The following CFLAR variants were observed in gnomAD, a reference collection of about 807,000 sequenced individuals.
CFLAR encodes the protein CASP8 and FADD-like apoptosis regulator.
A neutral mutation model predicts 51.1 loss-of-function variants in CFLAR; 14 were observed. That is an observed-to-expected ratio of 0.27 (90% CI 0.18 to 0.43). The LOEUF (loss-of-function observed/expected upper bound fraction) is 0.43, where lower values mean the gene tolerates loss of function less well. CFLAR is among the 20% of genes least tolerant of loss of function. The probability of loss-of-function intolerance (pLI) is 1.00; values close to 1 mark genes in which losing one functional copy is unlikely to be tolerated. For synonymous variants in CFLAR, 210 were observed against 211.6 expected (o/e 0.99, Z 0.06); for missense variants, 390 against 566.5 (o/e 0.69, Z 3.16).
rs1937635749 is a variant in CFLAR at position 201,138,998 on chromosome 2, A to G, written c.524-1359A>G. 3.8e-6 allele frequency: 2 copies of G among 522,292 alleles called. No homozygotes were observed. The highest frequency in any genetic ancestry group is 3.7e-6 in the Non-Finnish European group (1 of 267,938). The allele number at this position is 522,292 out of a possible 1,614,324, so 32.4% of individuals were successfully genotyped here. Reference sequence around the variant, plus strand: ...CTGGTCACTGGCGAAGAGCTGCTGCACGGTGTGGGGAAAAGAAAGAGAGAT... The same window carrying G: ...CTGGTCACTGGCGAAGAGCTGCTGCGCGGTGTGGGGAAAAGAAAGAGAGAT... On this transcript the variant is annotated intron_variant, in intron 4 of 9. Transcript: ENST00000309955. This position sits in a 1 kb window ranked among gnomAD's most constrained non-coding sequence, Gnocchi z 4.0.
Position 201,133,111 on chromosome 2 carries a change from C to T in CFLAR, c.364C>T (p.Arg122Ter), listed in dbSNP as rs150296080. The change falls in exon 3 of 10, where the codon CGA becomes TGA. Residue 122 changes from arginine to a stop codon, truncating the protein, a stop_gained. Coordinates refer to ENST00000309955, the MANE Select transcript of CFLAR (RefSeq NM_003879.7). LOFTEE classifies it high-confidence loss of function. ...LIFLMKDYMGRGKISKEKSFL... is the reference protein window; with the variant it reads ...LIFLMKDYMG ...TTTCCTCATGAAGGATTACATGGGCCGAGGCAAGATAAGCAAGGAGAAGGT... is the reference window on the plus strand; with the variant it reads ...TTTCCTCATGAAGGATTACATGGGCTGAGGCAAGATAAGCAAGGAGAAGGT... 1.2e-6 allele frequency: 2 copies of T among 1,613,004 alleles called. No individual in the cohort carries two copies. The highest frequency in any genetic ancestry group is 1.1e-5 in the South Asian group (1 of 91,058).
In CFLAR at chr2:201,130,156, C is replaced by A; in HGVS notation, c.281+10C>A. 2 of 473,968 alleles carry A rather than the reference C, an allele frequency of 4.2e-6. No homozygotes were observed. The highest frequency in any genetic ancestry group is 2.2e-5 in the South Asian group (1 of 44,856). 29.4% of individuals were successfully genotyped at this position (473,968 alleles called of 1,614,324 possible). A position where few individuals can be genotyped will look rare whatever the true frequency, so the allele number is the denominator to read the frequency against. ...TTGTTTCGGACTATAGGTAATTCAT[C>A]AACTCTTCCTGAGGCTGGGTGGGTG... On this transcript the variant is annotated intron_variant, in intron 2 of 9. Coordinates refer to ENST00000309955, the MANE Select transcript of CFLAR (RefSeq NM_003879.7).
Position 201,129,800 on chromosome 2 carries a change from C to A in CFLAR, c.-66C>A. The stretch of plus-strand genomic sequence containing the variant: ...AGAAATGAAGTTGACTGCCTGCTGG[C>A]TTTCTGTTGACTGGCCCGGAGCTGT... On this transcript the variant is annotated 5_prime_UTR_variant, in exon 2 of 10. Transcript: ENST00000309955. 1.4e-6 allele frequency: 2 copies of A among 1,476,770 alleles called. No individual in the cohort carries two copies. Among genetic ancestry groups the A allele is most frequent in the Non-Finnish European group, 1.8e-6 (2 of 1,081,364 alleles). 91.5% of individuals were successfully genotyped at this position (1,476,770 alleles called of 1,614,324 possible).
At chr2:201,144,605 T>A (rs1297307695) in intron 5 of CFLAR, among the ~76,000 whole-genome samples, 1 of 152,178 alleles carries the variant, frequency 6.6e-6, no homozygotes, top group East Asian at 1.9e-4. Flanking sequence ...TGCTCGAGGT[T>A]ACATAGCTAA....
chr2:201,158,885 T>TATTTGA (rs1942632201), intron 8 of CFLAR, among the ~76,000 whole-genome samples: 2 of 148,814 alleles, frequency 1.3e-5, no homozygotes, highest in Non-Finnish European at 1.5e-5. Flanking sequence ...TTATTATTAT[T>TATTTGA]ATTTGAATTT....
Position 201,170,052 on chromosome 2 carries a change from C to T in CFLAR, c.*6079C>T, listed in dbSNP as rs1943919629. On this transcript the variant is annotated 3_prime_UTR_variant, in exon 10 of 10. Transcript: ENST00000309955. ...GTTGTGGAAGTGTGTGTGGCTATTC[C>T]TCAAAGATCTAGAACTAGAAATACT... 6.6e-6 allele frequency: 1 copy of T among 152,186 alleles called. No homozygotes were observed. Among genetic ancestry groups the T allele is most frequent in the African/African-American group, 2.4e-5 (1 of 41,442 alleles). 9.4% of individuals were successfully genotyped at this position (152,186 alleles called of 1,614,324 possible). A position where few individuals can be genotyped will look rare whatever the true frequency, so the allele number is the denominator to read the frequency against.
intron 6 of CFLAR, among the ~76,000 whole-genome samples, chr2:201,147,294 C>T (rs913523822): frequency 2.6e-5 from 4 of 151,956 alleles, no homozygotes; most frequent in South Asian, 4.2e-4. Flanking sequence ...TTTGGGAGGT[C>T]GAGGTGGGTG....
At position 201,135,990 on chromosome 2, in the gene CFLAR, G is replaced by A. The variant is rs2050064155; in HGVS notation, c.406G>A (p.Val136Ile). Residue 136 changes from valine (V) to isoleucine (I), a missense_variant, in exon 4 of 10, where the codon GTT (valine) becomes ATT (isoleucine). Val to Ile is a conservative substitution (Grantham distance 29). Coordinates refer to ENST00000309955, the MANE Select transcript of CFLAR (RefSeq NM_003879.7). ...CTCTTAGAGTTTCTTGGACCTTGTG[G>A]TTGAGTTGGAGAAACTAAATCTGGT... ...SKEKSFLDLV[V>I]ELEKLNLVAP... 1.9e-6 allele frequency: 3 copies of A among 1,611,412 alleles called. No individual in the cohort carries two copies. Among genetic ancestry groups the A allele is most frequent in the Admixed American group, 3.4e-5 (2 of 59,056 alleles).
At chr2:201,155,892 T>A (rs1232676148) in intron 8 of CFLAR, among the ~76,000 whole-genome samples, 2 of 152,204 alleles carry the variant, frequency 1.3e-5, no homozygotes, top group African/African-American at 4.8e-5. Context: ...CCTGAGTGGC[T>A]GGGACTACAG....
Position 201,146,188 on chromosome 2 carries a change from C to A in CFLAR, c.661+756C>A, listed in dbSNP as rs556522757. 2.0e-5 allele frequency: 3 copies of A among 152,158 alleles called. No homozygotes were observed. The East Asian group carries it at 5.8e-4, about 29-fold the overall frequency. 9.4% of individuals were successfully genotyped at this position (152,158 alleles called of 1,614,324 possible). A position where few individuals can be genotyped will look rare whatever the true frequency, so the allele number is the denominator to read the frequency against. On this transcript the variant is annotated intron_variant, in intron 6 of 9. Transcript: ENST00000309955. ...TTGAGACAGAGTCTTGCTCTGTCAC[C>A]CAGGCTGGCGTGCAGTGGTGCAATC...
chr2:201,137,873 G>GGCC, intron 4 of CFLAR: 1 of 818,366 alleles, frequency 1.2e-6, no homozygotes, highest in Non-Finnish European at 2.2e-6. Context: ...ACTCGCCGGG[G>GGCC]GCCTCCATGG....
intron 1 of CFLAR, chr2:201,122,636 A>G (rs2125607039): frequency 6.6e-6 from 1 of 152,364 alleles, no homozygotes; most frequent in African/African-American, 2.4e-5. Context: ...AGAATAAGAT[A>G]AAATGCTGGA....
chr2:201,128,179 C>T (rs1296778083), intron 1 of CFLAR, among the ~76,000 whole-genome samples: 1 of 152,048 alleles, frequency 6.6e-6, no homozygotes, highest in Non-Finnish European at 1.5e-5. Context: ...ATAATAACAA[C>T]TGTTGACAAA....
chr2:201,148,998 C>G lies in CFLAR; in HGVS notation c.662-5C>G. ...TGTAAATGGTTTCTCTCTCTCATCC[C>G]CCAGAAGAACCAGTGAAGAAATCCA... On this transcript the variant is annotated splice_polypyrimidine_tract_variant and splice_region_variant and intron_variant, in intron 6 of 9. Coordinates refer to ENST00000309955, the MANE Select transcript of CFLAR (RefSeq NM_003879.7). The G allele has an allele frequency of 6.2e-7, 1 of 1,610,590 alleles. No individual in the cohort carries two copies. The highest frequency in any genetic ancestry group is 8.5e-7 in the Non-Finnish European group (1 of 1,176,808).
At position 201,173,440 on chromosome 2, in the gene CFLAR, C is replaced by T. The variant is rs1056087148; in HGVS notation, c.*9467C>T. On this transcript the variant is annotated 3_prime_UTR_variant, in exon 10 of 10. Coordinates refer to ENST00000309955, the MANE Select transcript of CFLAR (RefSeq NM_003879.7). The stretch of plus-strand genomic sequence containing the variant: ...GCCAGGATGGTCTCTATCTCCTGAC[C>T]TCGTGATCCGCCTGCCTTGGCCTCC... The T allele has an allele frequency of 6.6e-6, 1 of 152,272 alleles. No individual in the cohort carries two copies. 9.4% of individuals were successfully genotyped at this position (152,272 alleles called of 1,614,324 possible).
At chr2:201,130,623 C>T (rs1307600963) in intron 2 of CFLAR, among the ~76,000 whole-genome samples, 1 of 152,032 alleles carries the variant, frequency 6.6e-6, no homozygotes, top group Non-Finnish European at 1.5e-5. Context: ...GCCTTGGCTT[C>T]CCAAAATGCT....
intron 7 of CFLAR, 157 bp from the exon 8 acceptor site, chr2:201,149,597 A>C (rs1940903336): frequency 1.8e-6 from 1 of 553,402 alleles, no homozygotes; most frequent in Non-Finnish European, 3.2e-6. Flanking sequence ...ATTTGATATT[A>C]ATGGGAAACA....
Position 201,121,121 on chromosome 2 carries a change from G to C in CFLAR, c.-138+4640G>C, listed in dbSNP as rs187659762. ...CATGGTATGCTATTGAAACCCCATA[G>C]TTCAGATTTTATACTTGAGTTCTTT... On this transcript the variant is annotated intron_variant, in intron 1 of 9. Coordinates refer to ENST00000309955, the MANE Select transcript of CFLAR (RefSeq NM_003879.7). Among the ~76,000 whole-genome samples the C allele has an allele frequency of 1.6e-4, 24 of 152,230 alleles. No individual in the cohort carries two copies. In the East Asian group the frequency reaches 3.3e-3, roughly 21 times the overall value.
At chr2:201,149,279 C>T in intron 7 of CFLAR, 1 of 444,050 alleles carries the variant, frequency 2.3e-6, no homozygotes, top group Non-Finnish European at 4.1e-6. Flanking sequence ...AAGTAGCACT[C>T]CTCATCTCAA....
Sources: allele counts gnomAD v4.1 joint callset (sites outside exome capture counted in the v4.1 genomes callset), GRCh38; gene constraint gnomAD v4.1.1; non-coding constraint Gnocchi (gnomAD v3.1); transcripts MANE v1.5; gene names NCBI Gene and HGNC (gene_info 2026-07-23, HGNC 2026-07-21).